The following SATL1 variants were observed in gnomAD, a reference collection of about 807,000 sequenced individuals.
SATL1 encodes the protein spermidine/spermine N(1)-acetyltransferase-like protein 1.
SATL1 carries 47 observed loss-of-function variants against 51.8 expected under a neutral mutation model. That is an observed-to-expected ratio of 0.91 (90% CI 0.72 to 1.16). SATL1 has a LOEUF of 1.16. Ranked by LOEUF, SATL1 falls within the 50% of genes most tolerant of loss-of-function variation. The probability of loss-of-function intolerance (pLI) is 0.00; values close to 1 mark genes in which losing one functional copy is unlikely to be tolerated. For missense variants in SATL1, 520 were observed against 526.4 expected, an observed-to-expected ratio of 0.99 and a Z score of 0.12; for synonymous variants, 176 against 182.4, an observed-to-expected ratio of 0.97 and a Z score of 0.28.
At chrX:85,215,339 C>T (rs189987660) in intron 2 of SATL1, among the ~76,000 whole-genome samples, 60 of 111,361 alleles carry the variant, frequency 5.4e-4, no homozygotes, top group East Asian at 2.0e-3. Flanking sequence ...TGACTATTAG[C>T]GCCTGGCTTC....
intron 2 of SATL1, among the ~76,000 whole-genome samples, chrX:85,164,895 T>A (rs1342940347): frequency 9.1e-6 from 1 of 110,233 alleles, no homozygotes; most frequent in African/African-American, 3.3e-5. Flanking sequence ...CGACTAATTT[T>A]GTATTTTTAA....
chrX:85,211,790 T>C (rs1476484806), intron 2 of SATL1: 4 of 111,764 alleles, frequency 3.6e-5, no homozygotes, highest in Non-Finnish European at 5.7e-5. Context: ...GACAGATAGA[T>C]AGAAATAGAA....
At chrX:85,140,240 T>C (rs1448490524) in intron 2 of SATL1, among the ~76,000 whole-genome samples, 1 of 112,228 alleles carries the variant, frequency 8.9e-6, no homozygotes, top group African/African-American at 3.2e-5. Context: ...CACATTTTGT[T>C]CTGAGTTTTT....
chrX:85,216,347 G>A (rs771860190), intron 2 of SATL1, among the ~76,000 whole-genome samples: 40 of 110,813 alleles, frequency 3.6e-4, no homozygotes, highest in African/African-American at 1.2e-3. Flanking sequence ...CCAAACTATA[G>A]CACCATGAAT....
At chrX:85,114,000 T>C (rs1197257319) in intron 2 of SATL1, among the ~76,000 whole-genome samples, 1 of 112,187 alleles carries the variant, frequency 8.9e-6, no homozygotes, top group Non-Finnish European at 1.9e-5. Flanking sequence ...AAGAGACTTT[T>C]ATTGGCTCTC....
intron 2 of SATL1, among the ~76,000 whole-genome samples, chrX:85,139,164 T>C (rs1004026013): frequency 9.0e-6 from 1 of 111,013 alleles, no homozygotes; most frequent in African/African-American, 3.3e-5. Context: ...GCCTTAATCC[T>C]ACCAGAGTCC....
At chrX:85,194,764 A>G (rs1305680823) in intron 2 of SATL1, among the ~76,000 whole-genome samples, 1 of 108,862 alleles carries the variant, frequency 9.2e-6, no homozygotes, top group Non-Finnish European at 1.9e-5. Flanking sequence ...TCAGCAAACT[A>G]TCACAAGAAC....
chrX:85,177,710 G>A (rs1384616101), intron 2 of SATL1, among the ~76,000 whole-genome samples: 1 of 111,927 alleles, frequency 8.9e-6, no homozygotes, highest in Non-Finnish European at 1.9e-5. Context: ...CATGATTTAT[G>A]TCATAAAGTA....
chrX:85,152,920 A>C (rs1464855551), intron 2 of SATL1, among the ~76,000 whole-genome samples: 5 of 110,516 alleles, frequency 4.5e-5, no homozygotes, highest in Non-Finnish European at 9.5e-5. Flanking sequence ...ATACATATGT[A>C]ACTAACCTGC....
chrX:85,162,284 C>G (rs1395508913), intron 2 of SATL1, among the ~76,000 whole-genome samples: 1 of 111,187 alleles, frequency 9.0e-6, no homozygotes, highest in African/African-American at 3.3e-5. Context: ...CCAAAGCTAG[C>G]AGAAAACAGG....
intron 1 of SATL1, among the ~76,000 whole-genome samples, chrX:85,230,198 A>C (rs1928352746): frequency 8.9e-6 from 1 of 111,933 alleles, no homozygotes; most frequent in Non-Finnish European, 1.9e-5. Flanking sequence ...TAATAAAAAC[A>C]ATATGCACTG....
In SATL1 at chrX:85,093,425, G is replaced by A. The variant is rs779759082; in HGVS notation, c.1877-200C>T. The A allele has an allele frequency of 3.9e-4, 153 of 395,611 alleles. No individual in the cohort carries two copies. The Middle Eastern group carries it at 4.5e-3, about 12-fold the overall frequency. 32.6% of individuals were successfully genotyped at this position (395,611 alleles called of 1,213,427 possible). A position where few individuals can be genotyped will look rare whatever the true frequency, so the allele number is the denominator to read the frequency against. On this transcript the variant is annotated intron_variant, in intron 6 of 7. Transcript: ENST00000644105. ...GTACCAAAGGTCATAGAAGAGTTTG[G>A]GTTTATTTTAAAGATCAGTGAAGAA...
At chrX:85,178,377 AG>A (rs773970640) in intron 2 of SATL1, among the ~76,000 whole-genome samples, 2 of 111,009 alleles carry the variant, frequency 1.8e-5, no homozygotes, top group Admixed American at 1.9e-4. Context: ...TAAATTTTAA[AG>A]GTCCTTTGGT....
At chrX:85,133,876 G>A (rs1275797928) in intron 2 of SATL1, among the ~76,000 whole-genome samples, 1 of 111,724 alleles carries the variant, frequency 9.0e-6, no homozygotes, top group Non-Finnish European at 1.9e-5. Flanking sequence ...TTATTTTAAT[G>A]TCTCCTGTTT....
At chrX:85,159,696 G>A (rs746621657) in intron 2 of SATL1, among the ~76,000 whole-genome samples, 1 of 111,064 alleles carries the variant, frequency 9.0e-6, no homozygotes, top group East Asian at 2.8e-4. Flanking sequence ...AGCCCTCATG[G>A]TAACACCACC....
intron 1 of SATL1, among the ~76,000 whole-genome samples, chrX:85,229,126 TGA>T (rs1374731203): frequency 9.0e-6 from 1 of 111,605 alleles, no homozygotes; most frequent in Non-Finnish European, 1.9e-5. Flanking sequence ...CAAGTCACAA[TGA>T]AAAGGCACTA....
At chrX:85,135,721 GCACTCAC>G (rs1017329400) in intron 2 of SATL1, among the ~76,000 whole-genome samples, 1 of 107,250 alleles carries the variant, frequency 9.3e-6, no homozygotes. Context: ...GAGACTATAG[GCACTCAC>G]CACCGTGCTC....
intron 2 of SATL1, among the ~76,000 whole-genome samples, chrX:85,160,035 C>G (rs966042976): frequency 1.7e-5 from 1 of 60,395 alleles, no homozygotes; most frequent in African/African-American, 4.8e-5. Flanking sequence ...AATATCAGTC[C>G]CCCAGTGTTA....
intron 5 of SATL1, among the ~76,000 whole-genome samples, chrX:85,094,660 A>C (rs1431570994): frequency 9.0e-6 from 1 of 111,507 alleles, no homozygotes; most frequent in African/African-American, 3.3e-5. Flanking sequence ...ACACTTGAGC[A>C]CAGGAGTTTA....
Sources: allele counts gnomAD v4.1 joint callset (sites outside exome capture counted in the v4.1 genomes callset), GRCh38; gene constraint gnomAD v4.1.1; transcripts MANE v1.5; gene names NCBI Gene and HGNC (gene_info 2026-07-23, HGNC 2026-07-21).